MUS81: variants seen among roughly 807,000 people sequenced by gnomAD.
The protein encoded by MUS81 is MUS81 structure-specific endonuclease subunit.
A neutral mutation model predicts 74.2 loss-of-function variants in MUS81; 69 were observed. The observed-to-expected ratio is 0.93, with a 90% CI of 0.77 to 1.14. The LOEUF is 1.14. MUS81 is among the 50% of genes most tolerant of loss of function. MUS81 has a pLI of 0.00. For missense variants in MUS81, 711 were observed against 726.5 expected, an observed-to-expected ratio of 0.98 and a Z score of 0.25; for synonymous variants, 303 against 300.6, an observed-to-expected ratio of 1.01 and a Z score of -0.08.
chr11:65,867,583 C>A (rs1214994554), downstream of MUS81: 1 of 516,944 alleles, frequency 1.9e-6, no homozygotes, highest in African/African-American at 1.9e-5. Flanking sequence ...CAGGGCCCTG[C>A]ACACGCCATT....
chr11:65,863,331 G>A, intron 7 of MUS81, 79 bp from the exon 8 acceptor site: 1 of 1,592,036 alleles, frequency 6.3e-7, no homozygotes, highest in Non-Finnish European at 8.6e-7. Context: ...GTGGGTGGTG[G>A]GTGTCGGGTG....
chr11:65,860,920 T>A (rs750071576), intron 1 of MUS81, 32 bp downstream of exon 1: 1 of 1,605,626 alleles, frequency 6.2e-7, no homozygotes, highest in Non-Finnish European at 8.5e-7. Context: ...TGGGAAAAGC[T>A]GCTGGCCAGG....
At chr11:65,863,743 G>C in intron 9 of MUS81, 22 bp downstream of exon 9, 1 of 1,614,142 alleles carries the variant, frequency 6.2e-7, no homozygotes, top group Non-Finnish European at 8.5e-7. Flanking sequence ...TGGACAGGCT[G>C]GCACCAGGGG....
At position 65,866,296 on chromosome 11, in the gene MUS81, G is replaced by A. The variant is rs902255969; in HGVS notation, c.*244G>A. ...TTCCCTGGTCAGGGAGATGGAGTCA[G>A]TGGGGCATTGCAGCTTGGAATCTAT... On this transcript the variant is annotated 3_prime_UTR_variant, in exon 16 of 16. Coordinates refer to ENST00000308110, the MANE Select transcript of MUS81 (RefSeq NM_025128.5). 8.3e-6 allele frequency: 5 copies of A among 600,628 alleles called. No individual in the cohort carries two copies. The highest frequency in any genetic ancestry group is 1.5e-5 in the Non-Finnish European group (5 of 340,488). The allele number at this position is 600,628 out of a possible 1,614,324, so 37.2% of individuals were successfully genotyped here. A position where few individuals can be genotyped will look rare whatever the true frequency, so the allele number is the denominator to read the frequency against.
Position 65,861,410 on chromosome 11 carries a change from C to CG in MUS81, c.328dup (p.Glu110GlyfsTer44), listed in dbSNP as rs749785310. 6.2e-7 allele frequency: 1 copy of CG among 1,604,012 alleles called. No individual in the cohort carries two copies. Among genetic ancestry groups the CG allele is most frequent in the Non-Finnish European group, 8.5e-7 (1 of 1,174,426 alleles). On this transcript the variant is annotated frameshift_variant, in exon 3 of 16. Transcript: ENST00000308110. LOFTEE classifies it high-confidence loss of function. ...AGTCCAGCCCCGCAGGGGCGACTTG[C>CG]GGAAGTCCAGGACTCTTCCATGCCA...
intron 3 of MUS81, 192 bp downstream of exon 3, chr11:65,861,627 T>G: frequency 1.6e-6 from 1 of 610,884 alleles, no homozygotes; most frequent in Non-Finnish European, 2.9e-6. Context: ...ATGAGAGAAT[T>G]CCATGATCAA....
At chr11:65,864,253 C>T in intron 10 of MUS81, 1 of 589,378 alleles carries the variant, frequency 1.7e-6, no homozygotes, top group Non-Finnish European at 3.0e-6. Context: ...AGGCCATGTG[C>T]CGGCCCAGGG....
intron 2 of MUS81, 21 bp downstream of exon 2, chr11:65,861,123 T>TC (rs1859584557): frequency 6.2e-7 from 1 of 1,610,818 alleles, no homozygotes; most frequent in African/African-American, 1.3e-5. Flanking sequence ...CGGAAAGGGG[T>TC]CGGTGATCCC....
At position 65,861,428 on chromosome 11, in the gene MUS81, C is replaced by T. The variant is rs34381357; in HGVS notation, c.344C>T (p.Ser115Phe). The change falls in exon 3 of 16, where the codon TCC (serine) becomes TTC (phenylalanine). Residue 115 changes from serine (S) to phenylalanine (F), a missense_variant. Physicochemically the swap from Ser to Phe is radical, Grantham distance 155. Coordinates refer to ENST00000308110, the MANE Select transcript of MUS81 (RefSeq NM_025128.5). ...QGRLAEVQDS[S>F]MPVPAQPKAG... ...CGACTTGCGGAAGTCCAGGACTCTT[C>T]CATGCCAGTGAGGAAGGGGCAAGGG... 2.6e-3 allele frequency: 4,226 copies of T among 1,600,080 alleles called. 114 individuals carry two copies. In the African/African-American group the frequency reaches 0.05, roughly 19 times the overall value.
chr11:65,862,636 T>C (rs1022531031), intron 6 of MUS81, 107 bp downstream of exon 6: 1 of 976,506 alleles, frequency 1.0e-6, no homozygotes, highest in Non-Finnish European at 1.5e-6. Flanking sequence ...TTGGGGGGGG[T>C]GGGCCTTTCC....
Position 65,860,583 on chromosome 11 carries a change from C to G in MUS81, c.-171C>G, listed in dbSNP as rs1392610382. 3.5e-6 allele frequency: 3 copies of G among 847,642 alleles called. No homozygotes were observed. In the East Asian group the frequency reaches 8.0e-5, roughly 23 times the overall value. 52.5% of individuals were successfully genotyped at this position (847,642 alleles called of 1,614,324 possible). ...AGGGGTGGGAGGGCGGCCGCAGGCT[C>G]TCCTCTCGTTAGTGCCCCCTGTGTT... On this transcript the variant is annotated 5_prime_UTR_variant, in exon 1 of 16. Coordinates refer to ENST00000308110, the MANE Select transcript of MUS81 (RefSeq NM_025128.5).
intron 1 of MUS81, 42 bp downstream of exon 1, chr11:65,860,930 G>A: frequency 1.2e-6 from 2 of 1,607,514 alleles, no homozygotes; most frequent in Non-Finnish European, 1.7e-6. Context: ...TGCTGGCCAG[G>A]TCAGGCCTGC....
chr11:65,859,699 AT>A (rs1859506652), upstream of MUS81, among the ~76,000 whole-genome samples: 2 of 152,340 alleles, frequency 1.3e-5, no homozygotes, highest in South Asian at 4.1e-4. Context: ...GACTTCCGGC[AT>A]AGCAGCTAGA....
chr11:65,861,717 C>T (rs1414135883), intron 3 of MUS81: 10 of 605,430 alleles, frequency 1.7e-5, no homozygotes, highest in Admixed American at 3.0e-5. Context: ...TGTCCTGCAG[C>T]GCATGGTAGA....
downstream of MUS81, chr11:65,867,394 A>G (rs1191930385): frequency 2.0e-6 from 1 of 495,488 alleles, no homozygotes; most frequent in African/African-American, 1.9e-5. Context: ...CAAAGTGAGC[A>G]GACTCCCTTC....
intron 10 of MUS81, 35 bp downstream of exon 10, chr11:65,863,936 G>A (rs1333810116): frequency 6.2e-7 from 1 of 1,604,732 alleles, no homozygotes; most frequent in Admixed American, 1.7e-5. Context: ...TTCCCTGCCT[G>A]CTCCGAAGCC....
Position 65,860,992 on chromosome 11 carries a change from G to T in MUS81, c.155G>T (p.Arg52Leu). The T allele has an allele frequency of 1.2e-6, 2 of 1,612,200 alleles. No homozygotes were observed. Among genetic ancestry groups the T allele is most frequent in the Non-Finnish European group, 1.7e-6 (2 of 1,179,690 alleles). Residue 52 changes from arginine (R) to leucine (L), a missense_variant, in exon 2 of 16, where the codon CGG (arginine) becomes CTG (leucine). Coordinates refer to ENST00000308110, the MANE Select transcript of MUS81 (RefSeq NM_025128.5). ...VFQKALRSLR[R>L]YPLPLRSGKE... ...GGCCAGGCGCTGCGTTCCCTCCGAC[G>T]GTACCCACTGCCGCTGCGCAGCGGG...
At chr11:65,860,389 C>T, upstream of MUS81, 1 of 491,058 alleles carries the variant, frequency 2.0e-6, no homozygotes, top group Non-Finnish European at 4.0e-6. Flanking sequence ...GCGCTGTCCG[C>T]CTTCCTCTCG....
intron 1 of MUS81, 22 bp from the exon 2 acceptor site, chr11:65,860,951 T>TA (rs751162331): frequency 6.2e-7 from 1 of 1,610,578 alleles, no homozygotes; most frequent in South Asian, 1.1e-5. Context: ...CCTGACCAGG[T>TA]ACCCTACCCC....
Sources: allele counts gnomAD v4.1 joint callset (sites outside exome capture counted in the v4.1 genomes callset), GRCh38; gene constraint gnomAD v4.1.1; transcripts MANE v1.5; gene names NCBI Gene and HGNC (gene_info 2026-07-23, HGNC 2026-07-21).